The following COX7A2L variants were observed in gnomAD, a reference collection of about 807,000 sequenced individuals.
COX7A2L encodes the protein cytochrome c oxidase subunit 7A2 like.
COX7A2L carries 18 observed loss-of-function variants against 14.2 expected under a neutral mutation model. The ratio of observed to expected loss-of-function variants is 1.27; its 90% confidence interval spans 0.88 to 1.88. The LOEUF is 1.88. Among genes scored for constraint, COX7A2L ranks in the 40% most tolerant of loss-of-function variants. The pLI is 0.00. For synonymous variants in COX7A2L, 65 were observed against 57.4 expected, an observed-to-expected ratio of 1.13 and a Z score of -0.60; for missense variants, 179 against 138.8, an observed-to-expected ratio of 1.29 and a Z score of -1.46.
intron 1 of COX7A2L, chr2:42,359,597 T>A (rs1001090618): frequency 6.6e-6 from 1 of 152,184 alleles, no homozygotes; most frequent in Non-Finnish European, 1.5e-5. Context: ...CCACACTGGT[T>A]TCCCTTCTCA....
In COX7A2L at chr2:42,353,312, G is replaced by T; in HGVS notation, c.104C>A (p.Pro35Gln). 1 of 1,613,990 alleles carries T rather than the reference G, an allele frequency of 6.2e-7. No homozygotes were observed. The highest frequency in any genetic ancestry group is 1.1e-5 in the South Asian group (1 of 91,068). Residue 35 changes from proline to glutamine, a missense_variant, in exon 2 of 3, where the codon CCA (proline) becomes CAA (glutamine). Coordinates refer to ENST00000234301, the MANE Select transcript of COX7A2L (RefSeq NM_004718.4). ...GLKPVVSTEA[P>Q]PIIFATPTKL... Reference sequence around the variant, plus strand: ...AGTTGGTGTGGCAAATATGATAGGTGGTGCTTCTGTGGAAACCACAGGCTT... The same window carrying T: ...AGTTGGTGTGGCAAATATGATAGGTTGTGCTTCTGTGGAAACCACAGGCTT...
At chr2:42,337,277 T>TAATAC (rs1670296780) in intron 2 of COX7A2L, among the ~76,000 whole-genome samples, 1 of 152,150 alleles carries the variant, frequency 6.6e-6, no homozygotes, top group Non-Finnish European at 1.5e-5. Context: ...CACAGTGGAA[T>TAATAC]AATACTTAGC....
intron 1 of COX7A2L, chr2:42,359,421 T>G (rs941917509): frequency 6.6e-6 from 1 of 152,230 alleles, no homozygotes; most frequent in Non-Finnish European, 1.5e-5. Context: ...TACATGGGTT[T>G]GTCCAAACTC....
intron 1 of COX7A2L, among the ~76,000 whole-genome samples, chr2:42,355,312 G>C (rs919554165): frequency 3.3e-5 from 5 of 152,172 alleles, no homozygotes; most frequent in South Asian, 2.1e-4. Context: ...ATCATTCTGT[G>C]AGCTCACCAT....
chr2:42,351,349 C>T lies in COX7A2L; in HGVS notation c.215G>A (p.Gly72Asp), dbSNP rs757464832. ...GCCTCGTTTCAGGTAGACGGGCACA[C>T]CATCAGCTTTCTTGAAAGCAAGAAT... ...ELQKFFQKAD[G>D]VPVYLKRGLP... Residue 72 changes from glycine to aspartate, a missense_variant, in exon 3 of 3, where the codon GGT becomes GAT. Transcript: ENST00000234301. 2 of 1,613,556 alleles carry T rather than the reference C, an allele frequency of 1.2e-6. No individual in the cohort carries two copies. Among genetic ancestry groups the T allele is most frequent in the East Asian group, 4.5e-5 (2 of 44,866 alleles).
intron 2 of COX7A2L, among the ~76,000 whole-genome samples, chr2:42,341,931 G>A (rs185916519): frequency 1.1e-4 from 16 of 152,278 alleles, no homozygotes; most frequent in Non-Finnish European, 1.9e-4. Flanking sequence ...ACTGAACTTT[G>A]AAGACATCAA....
chr2:42,345,983 G>A (rs1275393450), downstream of COX7A2L, among the ~76,000 whole-genome samples: 4 of 152,164 alleles, frequency 2.6e-5, no homozygotes, highest in Non-Finnish European at 4.4e-5. Flanking sequence ...TCAGAGTAAC[G>A]TGCTTAGAAG....
chr2:42,336,021 T>A (rs951498331), intron 2 of COX7A2L, among the ~76,000 whole-genome samples: 2 of 152,230 alleles, frequency 1.3e-5, no homozygotes, highest in African/African-American at 4.8e-5. Flanking sequence ...CCTCAGTCCC[T>A]AATGTTCAAT....
chr2:42,342,960 C>T lies in COX7A2L; in HGVS notation c.193-9091G>A, dbSNP rs890531009. On this transcript the variant is annotated intron_variant, in intron 2 of 2. Coordinates refer to the COX7A2L transcript ENST00000468711. The surrounding 1 kb of genome is among the most constrained non-coding windows in gnomAD (Gnocchi z 4.9). ...GCCACAGAGGTCAGGAGGCCTGATT[C>T]CAGCTTATGCAAGTGACAGTGGCTG... is the stretch of plus-strand genomic sequence containing the variant. Among the ~76,000 whole-genome samples, 1 of 152,106 alleles carries T rather than the reference C, an allele frequency of 6.6e-6. No homozygotes were observed. Among genetic ancestry groups the T allele is most frequent in the Non-Finnish European group, 1.5e-5 (1 of 68,006 alleles).
chr2:42,366,268 A>G (rs1671162737), intron 1 of COX7A2L, among the ~76,000 whole-genome samples: 1 of 152,180 alleles, frequency 6.6e-6, no homozygotes, highest in South Asian at 2.1e-4. Context: ...CATCTCTAAA[A>G]TACAAAAATT....
rs1305732316 is a variant in COX7A2L, at chr2:42,338,005, C to T, written c.193-4136G>A. 4.6e-5 allele frequency among the ~76,000 whole-genome samples: 7 copies of T among 152,082 alleles called. No individual in the cohort carries two copies. Among genetic ancestry groups the T allele is most frequent in the Non-Finnish European group, 1.0e-4 (7 of 68,018 alleles). On this transcript the variant is annotated intron_variant, in intron 2 of 2. Coordinates refer to the COX7A2L transcript ENST00000468711. The surrounding 1 kb of genome is among the most constrained non-coding windows in gnomAD (Gnocchi z 4.4). ...GGCGTGGCCATGAGGGAAGCCTAGG[C>T]GAGGGAGGGTGTCAGTCTGGGGTAT...
At chr2:42,337,592 C>T (rs1289358544) in intron 2 of COX7A2L, among the ~76,000 whole-genome samples, 1 of 152,076 alleles carries the variant, frequency 6.6e-6, no homozygotes, top group Non-Finnish European at 1.5e-5. Flanking sequence ...CTGCTGAAAA[C>T]CAAGGAAGCC....
At chr2:42,358,355 G>A (rs1398815241) in intron 1 of COX7A2L, among the ~76,000 whole-genome samples, 1 of 152,200 alleles carries the variant, frequency 6.6e-6, no homozygotes, top group Non-Finnish European at 1.5e-5. Flanking sequence ...ACTGCTTGCT[G>A]TCAAGCTGAC....
At chr2:42,365,891 T>C (rs756755265), upstream of COX7A2L, 3 of 152,102 alleles carry the variant, frequency 2.0e-5, no homozygotes, top group Non-Finnish European at 2.9e-5. Flanking sequence ...GAGAAAAGAA[T>C]GAATGAATGA....
intron 1 of COX7A2L, among the ~76,000 whole-genome samples, chr2:42,355,974 C>T (rs1670806057): frequency 6.6e-6 from 1 of 152,148 alleles, no homozygotes; most frequent in Non-Finnish European, 1.5e-5. Context: ...GATCCACCAA[C>T]CTTGGCCTCC....
chr2:42,352,469 T>C (rs1051788253), intron 2 of COX7A2L, among the ~76,000 whole-genome samples: 2 of 152,172 alleles, frequency 1.3e-5, no homozygotes, highest in African/African-American at 4.8e-5. Flanking sequence ...TATTTTGCAG[T>C]GTCCAAAATC....
intron 2 of COX7A2L, among the ~76,000 whole-genome samples, chr2:42,336,705 T>C (rs1263075774): frequency 6.6e-6 from 1 of 152,224 alleles, no homozygotes; most frequent in African/African-American, 2.4e-5. Flanking sequence ...GAGCTCTGTT[T>C]CAATTGACAA....
At chr2:42,364,881 C>A (rs1000905566), upstream of COX7A2L, among the ~76,000 whole-genome samples, 8 of 152,124 alleles carry the variant, frequency 5.3e-5, no homozygotes, top group Non-Finnish European at 1.0e-4. Flanking sequence ...CCTACTCTGA[C>A]CTTCTCGTTG....
chr2:42,345,417 A>C (rs1483174482), downstream of COX7A2L, among the ~76,000 whole-genome samples: 2 of 152,146 alleles, frequency 1.3e-5, no homozygotes, highest in Non-Finnish European at 2.9e-5. Flanking sequence ...ATTTTTAATG[A>C]TCAAGTGACA....
Sources: allele counts gnomAD v4.1 joint callset (sites outside exome capture counted in the v4.1 genomes callset), GRCh38; gene constraint gnomAD v4.1.1; non-coding constraint Gnocchi (gnomAD v3.1); transcripts MANE v1.5; gene names NCBI Gene and HGNC (gene_info 2026-07-23, HGNC 2026-07-21).